Variants in GSTCD observed in about 807,000 individuals in gnomAD.
The protein encoded by GSTCD is glutathione S-transferase C-terminal domain-containing protein.
Under a neutral mutation model 68.3 loss-of-function variants are expected in GSTCD, and 44 were observed. That is an observed-to-expected ratio of 0.64 (90% confidence interval 0.51 to 0.83). The LOEUF is 0.83. Among genes scored for constraint, GSTCD ranks in the 40% least tolerant of loss-of-function variants. The probability of loss-of-function intolerance (pLI) is 0.00; values close to 1 mark genes in which losing one functional copy is unlikely to be tolerated. For synonymous variants in GSTCD, 273 were observed against 255.2 expected, an observed-to-expected ratio of 1.07 and a Z score of -0.67; for missense variants, 739 against 735.9, an observed-to-expected ratio of 1.00 and a Z score of -0.05.
At chr4:105,821,187 A>G (rs545500522) in intron 5 of GSTCD, 1 of 152,002 alleles carries the variant, frequency 6.6e-6, no homozygotes, top group African/African-American at 2.4e-5. Flanking sequence ...TTCTACTGCA[A>G]ATTAAAACTG....
chr4:105,718,584 A>G (rs544157159), intron 2 of GSTCD, among the ~76,000 whole-genome samples: 9 of 152,336 alleles, frequency 5.9e-5, no homozygotes, highest in African/African-American at 1.9e-4. Context: ...CAGCAATGCA[A>G]ATGGGCTAAT....
chr4:105,842,471 A>G (rs1435308964), intron 11 of GSTCD, among the ~76,000 whole-genome samples: 1 of 152,218 alleles, frequency 6.6e-6, no homozygotes, highest in African/African-American at 2.4e-5. Context: ...AGTCAACTAT[A>G]TATACCAAAA....
intron 5 of GSTCD, among the ~76,000 whole-genome samples, chr4:105,750,522 T>G (rs973672859): frequency 6.6e-6 from 1 of 150,806 alleles, no homozygotes; most frequent in Non-Finnish European, 1.5e-5. Flanking sequence ...GCAGAGAAAC[T>G]GGATCACACA....
intron 5 of GSTCD, among the ~76,000 whole-genome samples, chr4:105,805,525 T>C (rs913119033): frequency 2.6e-5 from 4 of 152,138 alleles, no homozygotes; most frequent in African/African-American, 7.2e-5. Context: ...AGATTCTGTT[T>C]GGTTTTTATT....
intron 5 of GSTCD, chr4:105,760,984 T>C (rs767198321): frequency 8.8e-6 from 3 of 340,752 alleles, no homozygotes; most frequent in South Asian, 6.8e-5. Context: ...TATATCTCAT[T>C]ATCCTTTTTT....
intron 5 of GSTCD, among the ~76,000 whole-genome samples, chr4:105,815,880 C>A (rs191574491): frequency 2.0e-4 from 30 of 152,230 alleles, no homozygotes; most frequent in African/African-American, 7.2e-4. Context: ...AAAATAACAA[C>A]AACAAAAACC....
chr4:105,730,292 G>A (rs1733188668), intron 5 of GSTCD, among the ~76,000 whole-genome samples: 1 of 152,182 alleles, frequency 6.6e-6, no homozygotes, highest in Non-Finnish European at 1.5e-5. Flanking sequence ...GGTATTTCTA[G>A]TTCTAGCTCC....
chr4:105,775,113 A>G (rs1430333878), intron 5 of GSTCD, among the ~76,000 whole-genome samples: 2 of 152,076 alleles, frequency 1.3e-5, no homozygotes, highest in Non-Finnish European at 2.9e-5. Flanking sequence ...ATTGATCGTC[A>G]GTCTCTGATA....
chr4:105,836,404 A>G (rs2544414), intron 9 of GSTCD, among the ~76,000 whole-genome samples: 140,848 of 152,220 alleles, frequency 0.93, 65,192 homozygotes, highest in East Asian at 0.97. Context: ...CTGGACCCCA[A>G]GCTTCGGGCC....
At chr4:105,752,194 GA>G (rs1220188181) in intron 5 of GSTCD, among the ~76,000 whole-genome samples, 3 of 152,062 alleles carry the variant, frequency 2.0e-5, no homozygotes, top group Non-Finnish European at 4.4e-5. Flanking sequence ...GTCTTCTTAG[GA>G]AAATACAATG....
intron 5 of GSTCD, among the ~76,000 whole-genome samples, chr4:105,799,032 C>T (rs1376266728): frequency 1.3e-5 from 2 of 152,232 alleles, no homozygotes; most frequent in Non-Finnish European, 2.9e-5. Flanking sequence ...GCATCTTCTA[C>T]TTCAGCACTT....
At chr4:105,816,727 A>G (rs1188807616) in intron 5 of GSTCD, among the ~76,000 whole-genome samples, 1 of 152,050 alleles carries the variant, frequency 6.6e-6, no homozygotes, top group Non-Finnish European at 1.5e-5. Flanking sequence ...CTGACATCAC[A>G]ATTAATTAAA....
At chr4:105,710,431 G>T in intron 1 of GSTCD, among the ~76,000 whole-genome samples, 1 of 134,526 alleles carries the variant, frequency 7.4e-6, no homozygotes. Context: ...GTTTCACCAT[G>T]TTGGCCAGGC....
chr4:105,774,395 G>A (rs569532014), intron 5 of GSTCD, among the ~76,000 whole-genome samples: 1 of 152,260 alleles, frequency 6.6e-6, no homozygotes, highest in South Asian at 2.1e-4. Flanking sequence ...CTGTCATTAT[G>A]ATGCAAGCCG....
chr4:105,833,706 A>G (rs1560853655), intron 8 of GSTCD, among the ~76,000 whole-genome samples: 1 of 152,092 alleles, frequency 6.6e-6, no homozygotes, highest in Non-Finnish European at 1.5e-5. Context: ...TATTTGGCCT[A>G]AGAATTTTCA....
intron 4 of GSTCD, among the ~76,000 whole-genome samples, chr4:105,727,528 A>C (rs530090561): frequency 3.4e-5 from 5 of 147,290 alleles, no homozygotes; most frequent in Admixed American, 6.8e-5. Flanking sequence ...CTGTCTCGGA[A>C]AAAAAAAAAA....
At chr4:105,800,922 T>C (rs1736082438) in intron 5 of GSTCD, among the ~76,000 whole-genome samples, 1 of 152,098 alleles carries the variant, frequency 6.6e-6, no homozygotes, top group African/African-American at 2.4e-5. Context: ...TACACTGAGT[T>C]CACAGCCAAC....
At chr4:105,841,991 T>G in intron 10 of GSTCD, 74 bp from the exon 11 acceptor site, 2 of 1,102,974 alleles carry the variant, frequency 1.8e-6, no homozygotes, top group South Asian at 2.6e-5. Context: ...TGAGGTAGTT[T>G]TTTTGGTGGT....
At chr4:105,743,281 G>T (rs1034852482) in intron 5 of GSTCD, among the ~76,000 whole-genome samples, 1 of 151,914 alleles carries the variant, frequency 6.6e-6, no homozygotes, top group Non-Finnish European at 1.5e-5. Context: ...TTTTGTACTT[G>T]TATTATGCTT....
Sources: allele counts gnomAD v4.1 joint callset (sites outside exome capture counted in the v4.1 genomes callset), GRCh38; gene constraint gnomAD v4.1.1; transcripts MANE v1.5; gene names NCBI Gene and HGNC (gene_info 2026-07-23, HGNC 2026-07-21).